GABBR2: variants seen among roughly 807,000 people sequenced by gnomAD.
GABBR2 encodes gamma-aminobutyric acid type B receptor subunit 2, also known as G-protein coupled receptor 51.
GABBR2 carries 23 observed loss-of-function variants against 105.6 expected under a neutral mutation model. The observed-to-expected ratio is 0.22, with a 90% CI of 0.16 to 0.31. The LOEUF (loss-of-function observed/expected upper bound fraction) is 0.31. Among genes scored for constraint, GABBR2 ranks in the 10% least tolerant of loss-of-function variants. GABBR2 has a pLI of 1.00. For synonymous variants in GABBR2, 478 were observed against 499.7 expected, an observed-to-expected ratio of 0.96 and a Z score of 0.58; for missense variants, 734 against 1,245.5, an observed-to-expected ratio of 0.59 and a Z score of 6.18.
chr9:98,370,112 T>G (rs1831752458), intron 12 of GABBR2, among the ~76,000 whole-genome samples: 1 of 152,066 alleles, frequency 6.6e-6, no homozygotes, highest in Admixed American at 6.5e-5. Flanking sequence ...GACATCAACC[T>G]TCAGTCCTTG....
At chr9:98,607,063 A>T in intron 1 of GABBR2, 1 of 1,462,076 alleles carries the variant, frequency 6.8e-7, no homozygotes, top group Admixed American at 1.7e-5. Flanking sequence ...GTATACAGAA[A>T]ATCAGTTAAG....
intron 7 of GABBR2, among the ~76,000 whole-genome samples, chr9:98,428,323 G>A (rs994874589): frequency 2.0e-5 from 3 of 152,186 alleles, no homozygotes; most frequent in Non-Finnish European, 2.9e-5. Flanking sequence ...ACAAGAAGGA[G>A]AAGCCACAGC....
At chr9:98,599,496 G>T (rs1829287351) in intron 1 of GABBR2, among the ~76,000 whole-genome samples, 1 of 152,224 alleles carries the variant, frequency 6.6e-6, no homozygotes, top group Non-Finnish European at 1.5e-5. Flanking sequence ...AACCTCTCAA[G>T]AAACCAGGGG....
chr9:98,472,591 A>C (rs1826708081), intron 6 of GABBR2, among the ~76,000 whole-genome samples: 1 of 152,244 alleles, frequency 6.6e-6, no homozygotes, highest in Non-Finnish European at 1.5e-5. Flanking sequence ...GGGACATCCT[A>C]AGATCACAAC....
intron 6 of GABBR2, among the ~76,000 whole-genome samples, chr9:98,464,058 C>T (rs1421809982): frequency 6.6e-5 from 10 of 152,244 alleles, no homozygotes; most frequent in South Asian, 4.1e-4. Flanking sequence ...CCCGCCACCC[C>T]GTCTAGGAAG....
chr9:98,538,334 G>C (rs1004936265), intron 3 of GABBR2, among the ~76,000 whole-genome samples: 1 of 152,196 alleles, frequency 6.6e-6, no homozygotes, highest in Non-Finnish European at 1.5e-5. Context: ...TTCATCCAGA[G>C]GGGGCATGGC....
chr9:98,388,418 G>A lies in GABBR2; in HGVS notation c.1529+436C>T, dbSNP rs1029602411. Among the ~76,000 whole-genome samples the A allele has an allele frequency of 6.6e-6, 1 of 152,176 alleles. No homozygotes were observed. Among genetic ancestry groups the A allele is most frequent in the African/African-American group, 2.4e-5 (1 of 41,442 alleles). ...TCACTGGACTTTGTGACCCCCTTCAGTGGTGATTCCCAGCGATGCTAGGGG... is the reference window on the plus strand; with the variant it reads ...TCACTGGACTTTGTGACCCCCTTCAATGGTGATTCCCAGCGATGCTAGGGG... On this transcript the variant is annotated intron_variant, in intron 10 of 18. Coordinates refer to ENST00000259455, the MANE Select transcript of GABBR2 (RefSeq NM_005458.8). This position sits in a 1 kb window ranked among gnomAD's most constrained non-coding sequence, Gnocchi z 4.4.
rs74917201 is a variant in GABBR2 at position 98,694,185 on chromosome 9, G to A, written c.321+14232C>T. On this transcript the variant is annotated intron_variant, in intron 1 of 18. Coordinates refer to ENST00000259455, the MANE Select transcript of GABBR2 (RefSeq NM_005458.8). ...CCAGTCTGGGTATTTCATATTTTAA[G>A]CTGGTGGGCTAGGCTCTCCCCCAGC... Among the ~76,000 whole-genome samples, 471 of 152,356 alleles carry A rather than the reference G, an allele frequency of 3.1e-3. 9 individuals carry two copies. The East Asian group carries it at 0.037, about 12-fold the overall frequency.
intron 1 of GABBR2, among the ~76,000 whole-genome samples, chr9:98,615,410 G>A (rs571132905): frequency 5.9e-4 from 90 of 152,270 alleles, no homozygotes; most frequent in African/African-American, 2.0e-3. Flanking sequence ...ATAATAAAGC[G>A]TATATCATTA....
intron 3 of GABBR2, among the ~76,000 whole-genome samples, chr9:98,512,209 C>G (rs11506942): frequency 0.15 from 15,595 of 106,184 alleles, 1,883 homozygotes; most frequent in East Asian, 0.53. Context: ...ATTCAACAGC[C>G]CTTCATGCTA....
At chr9:98,534,842 C>A (rs748709630) in intron 3 of GABBR2, among the ~76,000 whole-genome samples, 3 of 152,174 alleles carry the variant, frequency 2.0e-5, no homozygotes, top group Non-Finnish European at 4.4e-5. Flanking sequence ...TGAAACATAC[C>A]CTTACCATAT....
intron 8 of GABBR2, among the ~76,000 whole-genome samples, chr9:98,398,679 A>T (rs565938066): frequency 6.6e-6 from 1 of 152,166 alleles, no homozygotes; most frequent in Non-Finnish European, 1.5e-5. Context: ...CTTCCCCAGG[A>T]TGAACAGCCA....
chr9:98,424,141 T>A (rs1417553071), intron 7 of GABBR2, among the ~76,000 whole-genome samples: 1 of 152,118 alleles, frequency 6.6e-6, no homozygotes, highest in Non-Finnish European at 1.5e-5. Context: ...CATGATCAAG[T>A]GGGCTTCATC....
chr9:98,400,538 G>A (rs971246732), intron 8 of GABBR2, among the ~76,000 whole-genome samples: 4 of 152,152 alleles, frequency 2.6e-5, no homozygotes, highest in African/African-American at 9.7e-5. Flanking sequence ...CTGTCCTAAG[G>A]AAATTCCCAG....
chr9:98,290,647 G>A lies in GABBR2; in HGVS notation c.2763C>T (p.Pro921=), dbSNP rs2131331512. 1.6e-5 allele frequency: 23 copies of A among 1,456,388 alleles called. No individual in the cohort carries two copies. The highest frequency in any genetic ancestry group is 2.0e-5 in the Non-Finnish European group (22 of 1,109,416). 90.2% of individuals were successfully genotyped at this position (1,456,388 alleles called of 1,614,324 possible). ...CATGTCTGTGGCGGGGGCTGGCGGT[G>A]GGGCTGACGCAGGGGCTGACACAGC... ...DASCVSPCVS[P]TASPRHRHVP... The change falls in exon 19 of 19, where the codon CCC becomes CCT. Residue 921 remains proline (P), a synonymous_variant. Coordinates refer to ENST00000259455, the MANE Select transcript of GABBR2 (RefSeq NM_005458.8).
chr9:98,647,597 G>A (rs1336048825), intron 1 of GABBR2, among the ~76,000 whole-genome samples: 3 of 152,144 alleles, frequency 2.0e-5, no homozygotes, highest in Non-Finnish European at 4.4e-5. Context: ...CCTGGCACCC[G>A]ACGGGTTGTG....
chr9:98,580,489 T>G (rs1828985443), intron 1 of GABBR2, among the ~76,000 whole-genome samples: 1 of 152,160 alleles, frequency 6.6e-6, no homozygotes, highest in African/African-American at 2.4e-5. Context: ...CAGTAAAGAT[T>G]CAGTAAGATC....
At chr9:98,636,543 G>C (rs562725116) in intron 1 of GABBR2, among the ~76,000 whole-genome samples, 2 of 130,762 alleles carry the variant, frequency 1.5e-5, no homozygotes, top group East Asian at 2.4e-4. Context: ...ACCCAGGCTG[G>C]AGTGCAGTGG....
At chr9:98,366,314 T>C (rs951435276) in intron 12 of GABBR2, among the ~76,000 whole-genome samples, 48 of 152,218 alleles carry the variant, frequency 3.2e-4, no homozygotes, top group African/African-American at 1.1e-3. Flanking sequence ...TAAAGTTTAA[T>C]GGGAACGTAG....
Sources: allele counts gnomAD v4.1 joint callset (sites outside exome capture counted in the v4.1 genomes callset), GRCh38; gene constraint gnomAD v4.1.1; non-coding constraint Gnocchi (gnomAD v3.1); transcripts MANE v1.5; gene names NCBI Gene and HGNC (gene_info 2026-07-23, HGNC 2026-07-21).